Variants in ZNF541 observed in about 807,000 individuals in gnomAD.
The protein encoded by ZNF541 is zinc finger protein 541.
Under a neutral mutation model 123.5 loss-of-function variants are expected in ZNF541, and 23 were observed. That is an observed-to-expected ratio of 0.19 (90% CI 0.13 to 0.26). The LOEUF (loss-of-function observed/expected upper bound fraction) is 0.26. Among genes scored for constraint, ZNF541 ranks in the 10% least tolerant of loss-of-function variants. ZNF541 has a pLI of 1.00. For synonymous variants in ZNF541, 751 were observed against 754.5 expected, an observed-to-expected ratio of 1.00 and a Z score of 0.08; for missense variants, 1,612 against 1,789.9, an observed-to-expected ratio of 0.90 and a Z score of 1.79.
intron 4 of ZNF541, 30 bp downstream of exon 4, chr19:47,549,215 A>C: frequency 6.4e-7 from 1 of 1,551,238 alleles, no homozygotes; most frequent in South Asian, 1.2e-5. Flanking sequence ...GCCCCTGAAC[A>C]GACGTTTTTC....
chr19:47,530,335 ATTTTT>A (rs10586987), intron 12 of ZNF541, among the ~76,000 whole-genome samples: 46 of 131,902 alleles, frequency 3.5e-4, no homozygotes, highest in South Asian at 1.9e-3. Context: ...CTCCCTGCTA[ATTTTT>A]TTTTTTTTTT....
chr19:47,541,031 A>G, intron 5 of ZNF541, 80 bp from the exon 6 acceptor site: 1 of 1,343,942 alleles, frequency 7.4e-7, no homozygotes, highest in Non-Finnish European at 1.0e-6. Flanking sequence ...TTTTAGAAGA[A>G]AACATCAGAG....
At chr19:47,556,871 C>T (rs1970845143) in intron 2 of ZNF541, among the ~76,000 whole-genome samples, 1 of 151,256 alleles carries the variant, frequency 6.6e-6, no homozygotes. Flanking sequence ...GATTCTACTG[C>T]CTGAGCATCC....
rs1969015042 is a variant in ZNF541 at position 47,521,332 on chromosome 19, G to A, written c.3933C>T (p.His1311=). The change falls in exon 17 of 17, where the codon CAC becomes CAT. Residue 1311 remains histidine, a synonymous_variant. Transcript: ENST00000391901. This position sits in a 1 kb window ranked among gnomAD's most constrained non-coding sequence, Gnocchi z 4.2. ...IKSRNAHMKR[H]RLQDHVEPII... The stretch of plus-strand genomic sequence containing the variant: ...TGGGCTCCACGTGGTCCTGAAGGCG[G>A]TGCCGCTTCATATGGGCATTTCGAC... 6.4e-7 allele frequency: 1 copy of A among 1,551,742 alleles called. No individual in the cohort carries two copies. Among genetic ancestry groups the A allele is most frequent in the Non-Finnish European group, 8.7e-7 (1 of 1,147,004 alleles).
At position 47,521,157 on chromosome 19, in the gene ZNF541, G is replaced by A. The variant is rs1464325547; in HGVS notation, c.*67C>T. 14 of 1,513,682 alleles carry A rather than the reference G, an allele frequency of 9.2e-6. No homozygotes were observed. The highest frequency in any genetic ancestry group is 3.8e-5 in the South Asian group (3 of 79,586). 93.8% of individuals were successfully genotyped at this position (1,513,682 alleles called of 1,614,324 possible). On this transcript the variant is annotated 3_prime_UTR_variant, in exon 17 of 17. Transcript: ENST00000391901. The surrounding 1 kb of genome is among the most constrained non-coding windows in gnomAD (Gnocchi z 4.2). ...GGGGAGGCAGAGGGGTGCCCCAAAC[G>A]CCCTGGAGAGGCCGAAGGGAGGAGG...
chr19:47,563,643 G>A (rs1490878073), intron 2 of ZNF541, among the ~76,000 whole-genome samples: 1 of 152,128 alleles, frequency 6.6e-6, no homozygotes, highest in Non-Finnish European at 1.5e-5. Context: ...GTCTTGCTGT[G>A]TCCCCTAGGC....
rs1170986465 is a variant in ZNF541, at chr19:47,545,338, G to T, written c.1191C>A (p.Phe397Leu). 2 of 1,547,318 alleles carry T rather than the reference G, an allele frequency of 1.3e-6. No homozygotes were observed. Among genetic ancestry groups the T allele is most frequent in the East Asian group, 2.4e-5 (1 of 40,860 alleles). ...AACTGGCAGGGACCGTCTGGCCTCG[G>T]AAGAGAGGCAGGCAGGCAGGCACGG... ...GGSVPACLPL[F>L]RGQTVPASSQ... The change falls in exon 5 of 17, where the codon TTC becomes TTA. Residue 397 changes from phenylalanine to leucine, a missense_variant. Physicochemically the swap from Phe to Leu is conservative, Grantham distance 22. Coordinates refer to ENST00000391901, the MANE Select transcript of ZNF541 (RefSeq NM_001277075.3). The surrounding 1 kb of genome is among the most constrained non-coding windows in gnomAD (Gnocchi z 7.5).
chr19:47,544,238 A>G lies in ZNF541; in HGVS notation c.2291T>C (p.Met764Thr). ...FSGFRKEKAK[M>T]DMCCAASPSQ... Reference sequence around the variant, plus strand: ...CGGAGAAGCCGCACAGCACATATCCATCTTCGCCTTCTCTTTCCGGAAGCC... The same window carrying G: ...CGGAGAAGCCGCACAGCACATATCCGTCTTCGCCTTCTCTTTCCGGAAGCC... The change falls in exon 5 of 17, where the codon ATG becomes ACG. Residue 764 changes from methionine (M) to threonine (T), a missense_variant. Coordinates refer to ENST00000391901, the MANE Select transcript of ZNF541 (RefSeq NM_001277075.3). 6.4e-7 allele frequency: 1 copy of G among 1,551,534 alleles called. No individual in the cohort carries two copies. The highest frequency in any genetic ancestry group is 8.7e-7 in the Non-Finnish European group (1 of 1,146,978).
At chr19:47,543,977 G>A in intron 5 of ZNF541, 149 bp downstream of exon 5, 1 of 1,128,444 alleles carries the variant, frequency 8.9e-7, no homozygotes. Context: ...TTTTAGTGGG[G>A]AAAACCACAA....
intron 2 of ZNF541, among the ~76,000 whole-genome samples, chr19:47,558,254 A>G (rs1970906557): frequency 6.6e-6 from 1 of 152,054 alleles, no homozygotes; most frequent in African/African-American, 2.4e-5. Context: ...ATCTCTATTA[A>G]AAATACAAAA....
At chr19:47,558,005 G>A (rs1255774212) in intron 2 of ZNF541, among the ~76,000 whole-genome samples, 1 of 152,014 alleles carries the variant, frequency 6.6e-6, no homozygotes, top group Non-Finnish European at 1.5e-5. Context: ...GAGTGGGGCA[G>A]CAGAGTTTAC....
rs184259115 is a variant in ZNF541, at chr19:47,570,070, C to T, written c.-99+1826G>A. 1.3e-3 allele frequency among the ~76,000 whole-genome samples: 190 copies of T among 150,410 alleles called. 1 individual carries two copies. Among genetic ancestry groups the T allele is most frequent in the African/African-American group, 4.4e-3 (179 of 40,876 alleles). On this transcript the variant is annotated intron_variant, in intron 2 of 16. Coordinates refer to ENST00000391901, the MANE Select transcript of ZNF541 (RefSeq NM_001277075.3). ...CGGGCAGATCACAAGGTCAGGAGAT[C>T]GAGACCATCCTGGCTAACACGGTGA...
At chr19:47,570,106 G>C (rs1053069557) in intron 2 of ZNF541, among the ~76,000 whole-genome samples, 1 of 150,352 alleles carries the variant, frequency 6.7e-6, no homozygotes, top group South Asian at 2.1e-4. Context: ...AATCCTGTCT[G>C]TACTAAAAAT....
At chr19:47,572,265 A>G (rs1971501731) in intron 1 of ZNF541, among the ~76,000 whole-genome samples, 1 of 152,136 alleles carries the variant, frequency 6.6e-6, no homozygotes, top group Non-Finnish European at 1.5e-5. Flanking sequence ...AGAGAATTTT[A>G]CCGGGAGAAA....
intron 1 of ZNF541, among the ~76,000 whole-genome samples, 130 bp from the exon 2 acceptor site, chr19:47,572,172 T>C (rs1450796260): frequency 1.3e-5 from 2 of 152,118 alleles, no homozygotes; most frequent in Non-Finnish European, 2.9e-5. Context: ...ACAGCGGAGA[T>C]TTGAGTGAGG....
chr19:47,555,439 C>A (rs1269748435), intron 3 of ZNF541, 111 bp downstream of exon 3: 3 of 1,065,194 alleles, frequency 2.8e-6, no homozygotes, highest in African/African-American at 1.6e-5. Flanking sequence ...CCCTAAGTCA[C>A]CTGTAGGAGG....
At chr19:47,535,956 A>G (rs1969799739) in intron 9 of ZNF541, among the ~76,000 whole-genome samples, 1 of 152,218 alleles carries the variant, frequency 6.6e-6, no homozygotes, top group Non-Finnish European at 1.5e-5. Flanking sequence ...ATTTACCCAC[A>G]TATTTATTGA....
In ZNF541 at chr19:47,555,832, C is replaced by T. The variant is rs535443562; in HGVS notation, c.25G>A (p.Glu9Lys). MDQYSLGD[E>K]GALPSEMHLP... ...TGCATTTCTGATGGGAGGGCACCCT[C>T]GTCTCCAAGGCTGTACTGGTCCATG... The change falls in exon 3 of 17, where the codon GAG becomes AAG. Residue 9 changes from glutamate (E) to lysine (K), a missense_variant. Glu to Lys is a moderately conservative substitution (Grantham distance 56, BLOSUM62 1). Transcript: ENST00000391901. 44 of 1,551,228 alleles carry T rather than the reference C, an allele frequency of 2.8e-5. No individual in the cohort carries two copies. Among genetic ancestry groups the T allele is most frequent in the Middle Eastern group, 3.4e-4 (2 of 5,854 alleles).
intron 6 of ZNF541, 110 bp from the exon 7 acceptor site, chr19:47,540,445 T>C: frequency 8.7e-7 from 1 of 1,152,356 alleles, no homozygotes; most frequent in South Asian, 1.8e-5. Context: ...CCACTGACTT[T>C]TTTTTTTTTT....
Sources: allele counts gnomAD v4.1 joint callset (sites outside exome capture counted in the v4.1 genomes callset), GRCh38; gene constraint gnomAD v4.1.1; non-coding constraint Gnocchi (gnomAD v3.1); transcripts MANE v1.5; gene names NCBI Gene and HGNC (gene_info 2026-07-23, HGNC 2026-07-21).